NEMP2: variants seen among roughly 807,000 people sequenced by gnomAD.
NEMP2 encodes the protein nuclear envelope integral membrane protein 2, also known as UPF0571 transmembrane protein.
Under a neutral mutation model 54.2 loss-of-function variants are expected in NEMP2, and 53 were observed. The ratio of observed to expected loss-of-function variants is 0.98; its 90% CI spans 0.78 to 1.23. NEMP2 has a LOEUF of 1.23. Among genes scored for constraint, NEMP2 ranks in the 50% most tolerant of loss-of-function variants. The probability of loss-of-function intolerance (pLI) is 0.00; values close to 1 mark genes in which losing one functional copy is unlikely to be tolerated. For synonymous variants in NEMP2, 197 were observed against 190.3 expected (o/e 1.04, Z -0.29); for missense variants, 455 against 511.3 (o/e 0.89, Z 1.06).
In NEMP2 at chr2:190,505,133, ACAT is replaced by A. The variant is rs376756288; in HGVS notation, c.*4053_*4055del. The A allele has an allele frequency of 8.5e-5, 13 of 152,350 alleles. 2 individuals are homozygous for A. The highest frequency in any genetic ancestry group is 2.9e-4 in the African/African-American group (12 of 41,578). 9.4% of individuals were successfully genotyped at this position (152,350 alleles called of 1,614,324 possible). ...GGCACAAATGACTGGTATGTGTATAACATCAGCAGATGTAGTCACCTCTTGAAT... is the reference window on the plus strand; with the variant it reads ...GGCACAAATGACTGGTATGTGTATAACAGCAGATGTAGTCACCTCTTGAAT... On this transcript the variant is annotated 3_prime_UTR_variant, in exon 9 of 9. Coordinates refer to ENST00000409150, the MANE Select transcript of NEMP2 (RefSeq NM_001142645.2). This position sits in a 1 kb window ranked among gnomAD's most constrained non-coding sequence, Gnocchi z 5.8.
the NEMP2 span, among the ~76,000 whole-genome samples, chr2:190,564,618 C>T: frequency 1.3e-5 from 2 of 152,160 alleles, no homozygotes; most frequent in African/African-American, 4.8e-5. The surrounding 1 kb of genome is among the most constrained non-coding windows in gnomAD (Gnocchi z 4.2). Flanking sequence ...TTTGTATCCC[C>T]ACCTAAAGCA....
At chr2:190,557,318 A>G in the NEMP2 span, among the ~76,000 whole-genome samples, 1 of 152,222 alleles carries the variant, frequency 6.6e-6, no homozygotes, top group African/African-American at 2.4e-5. Flanking sequence ...CTTATAAAAA[A>G]TTAATACAAG....
the NEMP2 span, among the ~76,000 whole-genome samples, chr2:190,481,179 G>A: frequency 1.3e-5 from 2 of 152,244 alleles, no homozygotes; most frequent in Admixed American, 6.5e-5. Flanking sequence ...TGGGTTTTGG[G>A]TGGTAGTCTC....
chr2:190,536,938 C>T (rs147262336), upstream of NEMP2, among the ~76,000 whole-genome samples: 27 of 152,272 alleles, frequency 1.8e-4, no homozygotes, highest in East Asian at 5.2e-3. Flanking sequence ...ATATTATTTA[C>T]CTCAGTTGTT....
the NEMP2 span, among the ~76,000 whole-genome samples, chr2:190,587,109 C>A: frequency 6.6e-6 from 1 of 152,200 alleles, no homozygotes; most frequent in African/African-American, 2.4e-5. The surrounding 1 kb of genome is among the most constrained non-coding windows in gnomAD (Gnocchi z 5.4). Flanking sequence ...CTAGATAATT[C>A]TCTGTCCTGA....
chr2:190,486,034 T>C, the NEMP2 span, among the ~76,000 whole-genome samples: 1 of 152,364 alleles, frequency 6.6e-6, no homozygotes, highest in Admixed American at 6.5e-5. Flanking sequence ...TGTCTTCCTA[T>C]AAATATTCTT....
At chr2:190,567,413 G>A in the NEMP2 span, among the ~76,000 whole-genome samples, 59,803 of 151,726 alleles carry the variant, frequency 0.39, 13,567 homozygotes, top group Non-Finnish European at 0.52. This position sits in a 1 kb window ranked among gnomAD's most constrained non-coding sequence, Gnocchi z 4.0. Context: ...TCTAAAAATC[G>A]AAGGTACCAA....
At chr2:190,563,699 G>A in the NEMP2 span, among the ~76,000 whole-genome samples, 32 of 152,138 alleles carry the variant, frequency 2.1e-4, no homozygotes, top group African/African-American at 4.1e-4. The surrounding 1 kb of genome is among the most constrained non-coding windows in gnomAD (Gnocchi z 4.3). Context: ...TGAAGTGAAC[G>A]GGTGCACCAA....
the NEMP2 span, chr2:190,469,540 A>G: frequency 4.0e-6 from 1 of 248,922 alleles, no homozygotes; most frequent in Admixed American, 5.3e-5. This position sits in a 1 kb window ranked among gnomAD's most constrained non-coding sequence, Gnocchi z 5.3. Context: ...CAGATATGTT[A>G]GAAGCCATCT....
In NEMP2 at chr2:190,510,118, C is replaced by T. The variant is rs931185708; in HGVS notation, c.1130+243G>A. Among the ~76,000 whole-genome samples the T allele has an allele frequency of 1.3e-5, 2 of 152,134 alleles. No individual in the cohort carries two copies. The highest frequency in any genetic ancestry group is 6.5e-5 in the Admixed American group (1 of 15,280). ...CACACATCCTATTCCACCTTCCCTT[C>T]GCATAGGGAAGTTATCTTTATAGCC... is the stretch of plus-strand genomic sequence containing the variant. On this transcript the variant is annotated intron_variant, in intron 8 of 8. Transcript: ENST00000409150. The surrounding 1 kb of genome is among the most constrained non-coding windows in gnomAD (Gnocchi z 5.7).
chr2:190,464,940 A>G, the NEMP2 span: 1 of 981,404 alleles, frequency 1.0e-6, no homozygotes, highest in African/African-American at 1.7e-5. Context: ...TAGCCATATT[A>G]TAGTTGGTTA....
At chr2:190,636,827 C>T in the NEMP2 span, among the ~76,000 whole-genome samples, 2 of 152,260 alleles carry the variant, frequency 1.3e-5, no homozygotes, top group Non-Finnish European at 2.9e-5. Context: ...GAATGGGACA[C>T]AGAACCTGCA....
chr2:190,480,192 TTCC>T, the NEMP2 span, among the ~76,000 whole-genome samples: 1 of 152,200 alleles, frequency 6.6e-6, no homozygotes, highest in African/African-American at 2.4e-5. Flanking sequence ...AAAGCACATT[TTCC>T]TCCTCTTATG....
At chr2:190,536,464 T>C (rs1691381619), upstream of NEMP2, among the ~76,000 whole-genome samples, 1 of 152,128 alleles carries the variant, frequency 6.6e-6, no homozygotes, top group Non-Finnish European at 1.5e-5. Context: ...CACTCAAGAC[T>C]CACCACAGAT....
chr2:190,622,652 G>A, the NEMP2 span, among the ~76,000 whole-genome samples: 2 of 151,898 alleles, frequency 1.3e-5, no homozygotes, highest in Admixed American at 6.6e-5. Context: ...AACAAAAATC[G>A]GACATCATCA....
rs1048200919 is a variant in NEMP2, at chr2:190,525,061, G to A, written c.213+202C>T. On this transcript the variant is annotated intron_variant, in intron 2 of 8. Transcript: ENST00000409150. This position sits in a 1 kb window ranked among gnomAD's most constrained non-coding sequence, Gnocchi z 5.0. The stretch of plus-strand genomic sequence containing the variant: ...GGGAGTGGCTTGGGAGGGGCTGAGG[G>A]AGAATATGAAGGAGTTAGTGTCCTC... 3.9e-5 allele frequency among the ~76,000 whole-genome samples: 6 copies of A among 152,212 alleles called. No individual in the cohort carries two copies. Among genetic ancestry groups the A allele is most frequent in the African/African-American group, 1.4e-4 (6 of 41,454 alleles).
At chr2:190,432,225 G>A in the NEMP2 span, among the ~76,000 whole-genome samples, 1 of 152,188 alleles carries the variant, frequency 6.6e-6, no homozygotes, top group African/African-American at 2.4e-5. Context: ...CTAGAGAAGA[G>A]GCTTTAACTT....
chr2:190,580,167 A>G, the NEMP2 span, among the ~76,000 whole-genome samples: 2 of 152,352 alleles, frequency 1.3e-5, no homozygotes, highest in Admixed American at 6.5e-5. The surrounding 1 kb of genome is among the most constrained non-coding windows in gnomAD (Gnocchi z 5.3). Context: ...TCACAGAAGC[A>G]AGGCTGTAGG....
Position 190,529,996 on chromosome 2 carries a change from A to G in NEMP2, c.97+4563T>C, listed in dbSNP as rs369776560. Among the ~76,000 whole-genome samples, 327 of 152,314 alleles carry G rather than the reference A, an allele frequency of 2.1e-3. 12 individuals carry two copies. The South Asian group carries it at 0.063, about 29-fold the overall frequency. ...ACCCTTAACATCCTCTGGACTGGGG[A>G]TCATCTTCTTGCCCCTCACTGGATA... On this transcript the variant is annotated intron_variant, in intron 1 of 8. Transcript: ENST00000409150. The surrounding 1 kb of genome is among the most constrained non-coding windows in gnomAD (Gnocchi z 4.7).
Sources: gnomAD v4.1 joint callset for allele counts (sites outside exome capture counted in the v4.1 genomes callset) on GRCh38, gnomAD v4.1.1 for gene constraint, Gnocchi (gnomAD v3.1) non-coding constraint, MANE v1.5 for transcripts, NCBI Gene and HGNC (gene_info 2026-07-23, HGNC 2026-07-21) for gene names.